Variants in SLC5A1 observed in about 807,000 individuals in gnomAD.
SLC5A1 encodes the protein solute carrier family 5 member 1.
Under a neutral mutation model 73.5 loss-of-function variants are expected in SLC5A1, and 42 were observed. That is an observed-to-expected ratio of 0.57 (90% confidence interval 0.45 to 0.74). SLC5A1 has a LOEUF of 0.74. SLC5A1 is among the 30% of genes least tolerant of loss of function. The pLI, the probability that SLC5A1 is intolerant of heterozygous loss-of-function variation, is 0.00. For missense variants in SLC5A1, 634 were observed against 855.4 expected, an observed-to-expected ratio of 0.74 and a Z score of 3.23; for synonymous variants, 300 against 317.4, an observed-to-expected ratio of 0.95 and a Z score of 0.58.
chr22:32,052,992 T>C (rs993559626), intron 2 of SLC5A1, among the ~76,000 whole-genome samples: 3 of 152,020 alleles, frequency 2.0e-5, no homozygotes, highest in African/African-American at 7.2e-5. Flanking sequence ...CAAATTTCTG[T>C]TTTTATGCAT....
At position 32,083,105 on chromosome 22, in the gene SLC5A1, C is replaced by T. The variant is rs772827122; in HGVS notation, c.615C>T (p.Thr205=). The change falls in exon 7 of 15, where the codon ACC becomes ACT. Residue 205 remains threonine (T), a synonymous_variant. Transcript: ENST00000266088. ...TGGCGGCGGTGATTTACACGGACAC[C>T]TTGCAGACGGTGATCATGCTGGTGG... ...GGLAAVIYTD[T]LQTVIMLVGS... 1.2e-6 allele frequency: 2 copies of T among 1,614,174 alleles called. No homozygotes were observed. Among genetic ancestry groups the T allele is most frequent in the Non-Finnish European group, 1.7e-6 (2 of 1,180,026 alleles).
chr22:32,067,063 G>T, intron 3 of SLC5A1, 24 bp downstream of exon 3: 1 of 1,542,494 alleles, frequency 6.5e-7, no homozygotes, highest in Non-Finnish European at 9.0e-7. Context: ...CAGCCATGGT[G>T]CACTGGGGCT....
chr22:32,102,593 T>C (rs1295660278), intron 13 of SLC5A1, among the ~76,000 whole-genome samples: 3 of 152,180 alleles, frequency 2.0e-5, no homozygotes, highest in Non-Finnish European at 2.9e-5. Context: ...ATAGTGAGAC[T>C]CTGTCTTTAA....
At chr22:32,107,106 C>G (rs1013952693) in intron 14 of SLC5A1, among the ~76,000 whole-genome samples, 1 of 152,270 alleles carries the variant, frequency 6.6e-6, no homozygotes, top group East Asian at 1.9e-4. Flanking sequence ...ACTGCAAATA[C>G]TGGAGAGAGC....
chr22:32,109,274 T>C (rs1418425236), intron 14 of SLC5A1, among the ~76,000 whole-genome samples: 3 of 152,098 alleles, frequency 2.0e-5, no homozygotes, highest in African/African-American at 4.8e-5. Flanking sequence ...TGATCTCTTA[T>C]CTAGTGAGTG....
chr22:32,062,996 T>C (rs56181139), intron 2 of SLC5A1, among the ~76,000 whole-genome samples: 2,474 of 152,284 alleles, frequency 0.016, 32 homozygotes, highest in Middle Eastern at 0.048. Context: ...CTTCCTGGCT[T>C]GTAGACGGCT....
At chr22:32,093,429 T>C (rs1404115690) in intron 11 of SLC5A1, among the ~76,000 whole-genome samples, 9 of 152,226 alleles carry the variant, frequency 5.9e-5, no homozygotes, top group African/African-American at 2.2e-4. Context: ...ATTCTACCCA[T>C]CCATGAGCAT....
chr22:32,061,968 G>A (rs2093963846), intron 2 of SLC5A1, among the ~76,000 whole-genome samples: 1 of 152,180 alleles, frequency 6.6e-6, no homozygotes, highest in Non-Finnish European at 1.5e-5. Context: ...ACAGACACAT[G>A]AGAAGTCTGG....
rs147068989 is a variant in SLC5A1, at chr22:32,073,597, C to T, written c.477+4997C>T. 8.8e-3 allele frequency among the ~76,000 whole-genome samples: 1,346 copies of T among 152,182 alleles called. 23 individuals carry two copies. The highest frequency in any genetic ancestry group is 0.03 in the African/African-American group (1,262 of 41,494). The stretch of plus-strand genomic sequence containing the variant: ...TTTAGATGTAGTTTCACTCTCGTTG[C>T]CCAGGCTGGAGTACTGTGGCGCGAT... On this transcript the variant is annotated intron_variant, in intron 5 of 14. Coordinates refer to ENST00000266088, the MANE Select transcript of SLC5A1 (RefSeq NM_000343.4).
At chr22:32,090,858 T>A (rs1270753150) in intron 10 of SLC5A1, among the ~76,000 whole-genome samples, 1 of 152,142 alleles carries the variant, frequency 6.6e-6, no homozygotes, top group African/African-American at 2.4e-5. Context: ...CTGCCAGCAA[T>A]ATATGAAGGT....
At chr22:32,088,378 C>T (rs1368586655) in intron 10 of SLC5A1, among the ~76,000 whole-genome samples, 1 of 150,550 alleles carries the variant, frequency 6.6e-6, no homozygotes, top group Non-Finnish European at 1.5e-5. Context: ...CTCTTATCAC[C>T]CATGCTGGAG....
rs2094057604 is a variant in SLC5A1 at position 32,111,804 on chromosome 22, A to G, written c.*1591A>G. 6.6e-6 allele frequency: 1 copy of G among 152,198 alleles called. No homozygotes were observed. Among genetic ancestry groups the G allele is most frequent in the Non-Finnish European group, 1.5e-5 (1 of 68,036 alleles). 9.4% of individuals were successfully genotyped at this position (152,198 alleles called of 1,614,324 possible). ...TCTGATTTGCATTTATGCCAATCTAAACTATCCGGTGTTTAGTTTGATTTT... is the reference window on the plus strand; with the variant it reads ...TCTGATTTGCATTTATGCCAATCTAGACTATCCGGTGTTTAGTTTGATTTT... On this transcript the variant is annotated 3_prime_UTR_variant, in exon 15 of 15. Transcript: ENST00000266088.
chr22:32,063,219 T>C (rs887114146), intron 2 of SLC5A1, among the ~76,000 whole-genome samples: 7 of 152,208 alleles, frequency 4.6e-5, no homozygotes, highest in Admixed American at 2.0e-4. Flanking sequence ...ATAGGAATTT[T>C]GCAGAGAGGA....
rs2094053882 is a variant in SLC5A1, at chr22:32,110,197, A to T, written c.1979A>T (p.His660Leu). Residue 660 changes from histidine (H) to leucine (L), a missense_variant, in exon 15 of 15, where the codon CAT becomes CTT. His to Leu is a moderately conservative substitution (Grantham distance 99, BLOSUM62 -3). This residue lies in a region of SLC5A1 where 161 missense variants were observed against 178.7 expected (regional missense o/e 0.90). Coordinates refer to ENST00000266088, the MANE Select transcript of SLC5A1 (RefSeq NM_000343.4). ...IILVTVAVFC[H>L]AYFA ...CTGGTGACCGTGGCTGTCTTTTGCC[A>T]TGCATATTTTGCCTGAGTCCTACCT... 1.9e-6 allele frequency: 3 copies of T among 1,613,650 alleles called. No homozygotes were observed. The highest frequency in any genetic ancestry group is 2.5e-6 in the Non-Finnish European group (3 of 1,179,788).
intron 11 of SLC5A1, among the ~76,000 whole-genome samples, chr22:32,098,814 C>T (rs982055574): frequency 2.0e-5 from 3 of 151,830 alleles, no homozygotes; most frequent in Non-Finnish European, 2.9e-5. Context: ...AGGCCGGGTG[C>T]GGTGGCTCAC....
At chr22:32,061,850 T>A (rs541078825) in intron 2 of SLC5A1, among the ~76,000 whole-genome samples, 1 of 152,238 alleles carries the variant, frequency 6.6e-6, no homozygotes, top group South Asian at 2.1e-4. Flanking sequence ...TCTATTCAGG[T>A]CTGAGGTCCA....
chr22:32,053,159 G>A (rs1257707291), intron 2 of SLC5A1, among the ~76,000 whole-genome samples: 1 of 152,090 alleles, frequency 6.6e-6, no homozygotes, highest in African/African-American at 2.4e-5. Flanking sequence ...GGTCTGAGTC[G>A]AGGTTTTGCA....
rs1383783166 is a variant in SLC5A1, at chr22:32,069,212, T to C, written c.477+612T>C. 2.0e-5 allele frequency among the ~76,000 whole-genome samples: 3 copies of C among 152,092 alleles called. No homozygotes were observed. The East Asian group carries it at 5.8e-4, about 29-fold the overall frequency. ...AAGACAAATACAGCATAGTGGAATC[T>C]AAAAAAGTTAACTCAGAAGCAGAGA... On this transcript the variant is annotated intron_variant, in intron 5 of 14. Transcript: ENST00000266088.
intron 5 of SLC5A1, among the ~76,000 whole-genome samples, chr22:32,071,991 T>C (rs528315346): frequency 2.0e-5 from 3 of 152,324 alleles, no homozygotes; most frequent in African/African-American, 4.8e-5. Context: ...GCTTTAACAA[T>C]TGTCAACATT....
Sources: gnomAD v4.1 joint callset for allele counts (sites outside exome capture counted in the v4.1 genomes callset) on GRCh38, gnomAD v4.1.1 for gene constraint, gnomAD v4.1.1 regional missense constraint, MANE v1.5 for transcripts, NCBI Gene and HGNC (gene_info 2026-07-23, HGNC 2026-07-21) for gene names.